The following LHFPL6 variants were observed in gnomAD, a reference collection of about 807,000 sequenced individuals.
LHFPL6 encodes the protein LHFPL tetraspan subfamily member 6 protein.
A neutral mutation model predicts 20.6 loss-of-function variants in LHFPL6; 9 were observed. The ratio of observed to expected loss-of-function variants is 0.44; its 90% CI spans 0.26 to 0.76. LHFPL6 has a LOEUF of 0.76. Ranked by LOEUF, LHFPL6 falls within the 30% of genes least tolerant of loss-of-function variation. The pLI is 0.20. For synonymous variants in LHFPL6, 105 were observed against 98.7 expected (o/e 1.06, Z -0.38); for missense variants, 218 against 253.5 (o/e 0.86, Z 0.95).
chr13:39,432,403 T>C (rs1271747055), intron 2 of LHFPL6, among the ~76,000 whole-genome samples: 1 of 152,176 alleles, frequency 6.6e-6, no homozygotes. Flanking sequence ...CCTCACATTC[T>C]ACACATGCTA....
intron 2 of LHFPL6, among the ~76,000 whole-genome samples, chr13:39,521,112 C>T (rs1434427061): frequency 6.6e-6 from 1 of 152,174 alleles, no homozygotes; most frequent in Non-Finnish European, 1.5e-5. Context: ...AACATAGGTC[C>T]TACCTTCATA....
chr13:39,535,130 A>G (rs1434725288), intron 2 of LHFPL6, among the ~76,000 whole-genome samples: 4 of 152,186 alleles, frequency 2.6e-5, no homozygotes, highest in African/African-American at 9.7e-5. Flanking sequence ...TCTCTGTCCA[A>G]ATTTCCTTCT....
At chr13:39,593,754 G>C (rs994571006) in intron 2 of LHFPL6, among the ~76,000 whole-genome samples, 29 of 150,806 alleles carry the variant, frequency 1.9e-4, no homozygotes, top group Non-Finnish European at 4.2e-4. Flanking sequence ...CATGGTACTG[G>C]TACCAAAACA....
chr13:39,497,138 T>A (rs773953411), intron 2 of LHFPL6, among the ~76,000 whole-genome samples: 1 of 152,202 alleles, frequency 6.6e-6, no homozygotes, highest in South Asian at 2.1e-4. Flanking sequence ...AATCTACTAA[T>A]GCGCTTTAAG....
At chr13:39,506,719 G>A (rs1369984592) in intron 2 of LHFPL6, among the ~76,000 whole-genome samples, 8 of 152,084 alleles carry the variant, frequency 5.3e-5, no homozygotes, top group African/African-American at 1.7e-4. Flanking sequence ...GTGGGATAGG[G>A]AGGTGGGGGG....
At chr13:39,353,392 C>T (rs750986817) in intron 3 of LHFPL6, among the ~76,000 whole-genome samples, 15 of 152,172 alleles carry the variant, frequency 9.9e-5, no homozygotes, top group Non-Finnish European at 1.0e-4. Context: ...AGAAGTAAAA[C>T]GGCTGAGAGA....
intron 2 of LHFPL6, among the ~76,000 whole-genome samples, chr13:39,455,009 A>C (rs7326279): frequency 0.55 from 83,584 of 151,418 alleles, 24,246 homozygotes; most frequent in East Asian, 0.9. Context: ...GTCAAGTGCC[A>C]TTCCACCCTG....
chr13:39,394,562 T>C (rs749004211), intron 2 of LHFPL6, among the ~76,000 whole-genome samples: 12 of 152,344 alleles, frequency 7.9e-5, no homozygotes, highest in Middle Eastern at 6.8e-3. Context: ...AGTACTTCTC[T>C]GAAACAGGTT....
intron 2 of LHFPL6, among the ~76,000 whole-genome samples, chr13:39,441,899 G>A (rs1000571051): frequency 2.8e-5 from 4 of 143,826 alleles, no homozygotes; most frequent in East Asian, 2.1e-4. Context: ...GTGCTGCCTC[G>A]GCTCATTGCA....
At chr13:39,348,162 G>T (rs774538260) in intron 3 of LHFPL6, among the ~76,000 whole-genome samples, 1 of 152,122 alleles carries the variant, frequency 6.6e-6, no homozygotes, top group Non-Finnish European at 1.5e-5. Context: ...TAAGCTTCAG[G>T]GTCTCGTAAG....
At chr13:39,401,807 T>C (rs1053486106) in intron 2 of LHFPL6, among the ~76,000 whole-genome samples, 11 of 152,306 alleles carry the variant, frequency 7.2e-5, no homozygotes, top group Admixed American at 6.5e-4. Flanking sequence ...AAAAAGCCAA[T>C]TAGCTGCTCC....
At chr13:39,535,661 T>C (rs941924225) in intron 2 of LHFPL6, among the ~76,000 whole-genome samples, 1 of 152,210 alleles carries the variant, frequency 6.6e-6, no homozygotes, top group African/African-American at 2.4e-5. Flanking sequence ...TTACTAGCTA[T>C]CATTTTTTAC....
chr13:39,435,776 TA>T (rs1871941815), intron 2 of LHFPL6, among the ~76,000 whole-genome samples: 1 of 152,160 alleles, frequency 6.6e-6, no homozygotes, highest in African/African-American at 2.4e-5. Flanking sequence ...AAAATGCTAT[TA>T]AAATACCACT....
intron 2 of LHFPL6, among the ~76,000 whole-genome samples, chr13:39,541,377 CTA>C (rs1870792810): frequency 6.6e-6 from 1 of 152,178 alleles, no homozygotes; most frequent in South Asian, 2.1e-4. Flanking sequence ...CTGCCCCATC[CTA>C]GTGTTCAAAG....
intron 3 of LHFPL6, among the ~76,000 whole-genome samples, chr13:39,350,422 T>G (rs1022580215): frequency 1.3e-5 from 2 of 152,180 alleles, no homozygotes; most frequent in African/African-American, 4.8e-5. Flanking sequence ...AACAAGAAAT[T>G]AGCACCATGT....
intron 3 of LHFPL6, among the ~76,000 whole-genome samples, chr13:39,363,408 G>C (rs1479581351): frequency 6.6e-6 from 1 of 152,138 alleles, no homozygotes; most frequent in Non-Finnish European, 1.5e-5. Flanking sequence ...TTTAGGTCAT[G>C]GGTTGGCAAC....
intron 2 of LHFPL6, among the ~76,000 whole-genome samples, chr13:39,421,723 C>G (rs1302839965): frequency 6.8e-6 from 1 of 147,398 alleles, no homozygotes; most frequent in East Asian, 2.0e-4. Context: ...TTCTACTTCC[C>G]CAAAGCAGTC....
intron 2 of LHFPL6, among the ~76,000 whole-genome samples, chr13:39,491,285 G>A (rs568447273): frequency 6.6e-6 from 1 of 152,152 alleles, no homozygotes; most frequent in Admixed American, 6.5e-5. Flanking sequence ...TTCCTAGTCT[G>A]GGCCATGAGG....
intron 3 of LHFPL6, among the ~76,000 whole-genome samples, chr13:39,378,000 AC>A (rs1445659726): frequency 6.6e-6 from 1 of 152,200 alleles, no homozygotes; most frequent in East Asian, 1.9e-4. Flanking sequence ...CACCTCTTTC[AC>A]AAAGTGGCCT....
Sources: allele counts gnomAD v4.1 joint callset (sites outside exome capture counted in the v4.1 genomes callset), GRCh38; gene constraint gnomAD v4.1.1; transcripts MANE v1.5; gene names NCBI Gene and HGNC (gene_info 2026-07-23, HGNC 2026-07-21).